LRRIQ3: variants seen among roughly 807,000 people sequenced by gnomAD.
The protein encoded by LRRIQ3 is leucine rich repeats and IQ motif containing 3, also known as leucine-rich repeat and IQ domain-containing protein 3.
In LRRIQ3, 75 loss-of-function variants were observed where a neutral mutation model predicts 59.3. That is an observed-to-expected ratio of 1.26 (90% CI 1.05 to 1.53). The LOEUF (loss-of-function observed/expected upper bound fraction) is 1.53, where lower values mean the gene tolerates loss of function less well. Among genes scored for constraint, LRRIQ3 ranks in the 40% most tolerant of loss-of-function variants. The probability of loss-of-function intolerance (pLI) is 0.00; values close to 1 mark genes in which losing one functional copy is unlikely to be tolerated. For synonymous variants in LRRIQ3, 250 were observed against 231.3 expected (o/e 1.08, Z -0.73); for missense variants, 831 against 710.0 (o/e 1.17, Z -1.94).
At chr1:74,054,268 A>G (rs1217129106) in intron 6 of LRRIQ3, among the ~76,000 whole-genome samples, 1 of 152,118 alleles carries the variant, frequency 6.6e-6, no homozygotes, top group Non-Finnish European at 1.5e-5. Flanking sequence ...GAAAGAAGCC[A>G]ATCTAAAAAG....
intron 4 of LRRIQ3, among the ~76,000 whole-genome samples, chr1:74,111,898 C>T (rs1218774145): frequency 1.3e-5 from 2 of 152,020 alleles, no homozygotes; most frequent in African/African-American, 2.4e-5. Flanking sequence ...TCTCACATCC[C>T]GATCCTACCT....
At chr1:74,193,851 T>C (rs1042453250) in intron 1 of LRRIQ3, among the ~76,000 whole-genome samples, 1 of 152,014 alleles carries the variant, frequency 6.6e-6, no homozygotes, top group Non-Finnish European at 1.5e-5. Context: ...GCATATAAAA[T>C]CAAATCATAA....
intron 4 of LRRIQ3, among the ~76,000 whole-genome samples, chr1:74,126,714 C>T (rs1436000242): frequency 1.3e-5 from 2 of 151,810 alleles, no homozygotes; most frequent in Non-Finnish European, 2.9e-5. Flanking sequence ...AGAGGAGACA[C>T]TTGATATAAT....
At chr1:74,070,215 A>T (rs1216619324) in intron 6 of LRRIQ3, among the ~76,000 whole-genome samples, 1 of 152,152 alleles carries the variant, frequency 6.6e-6, no homozygotes, top group African/African-American at 2.4e-5. Flanking sequence ...TAGCAAAGAC[A>T]TGTAATCAAC....
chr1:74,173,000 G>C (rs1219159229), intron 3 of LRRIQ3, among the ~76,000 whole-genome samples: 1 of 151,998 alleles, frequency 6.6e-6, no homozygotes, highest in Non-Finnish European at 1.5e-5. Context: ...TTGGGTCTCG[G>C]TTTTTTAAAA....
At chr1:74,087,089 T>A (rs905041023) in intron 5 of LRRIQ3, among the ~76,000 whole-genome samples, 9 of 152,116 alleles carry the variant, frequency 5.9e-5, no homozygotes, top group African/African-American at 2.2e-4. Flanking sequence ...AGTATTTTGA[T>A]AAATATTATG....
chr1:74,136,395 G>A (rs749438634), intron 4 of LRRIQ3, among the ~76,000 whole-genome samples: 4 of 151,864 alleles, frequency 2.6e-5, no homozygotes, highest in African/African-American at 7.2e-5. Flanking sequence ...ACAGTGTTCC[G>A]CCATCATTCC....
chr1:74,053,610 G>A (rs918995566), intron 6 of LRRIQ3, among the ~76,000 whole-genome samples: 1 of 152,026 alleles, frequency 6.6e-6, no homozygotes, highest in African/African-American at 2.4e-5. Flanking sequence ...GATTGCTTGA[G>A]CCAGAGTTTC....
chr1:74,109,391 T>TA lies in LRRIQ3; in HGVS notation c.867+2dup, dbSNP rs1557619523. The TA allele has an allele frequency of 1.3e-6, 2 of 1,487,678 alleles. No homozygotes were observed. The highest frequency in any genetic ancestry group is 1.8e-6 in the Non-Finnish European group (2 of 1,094,380). 92.2% of individuals were successfully genotyped at this position (1,487,678 alleles called of 1,614,324 possible). ...ATAAAAATAATAAACTAATTATACT[T>TA]ACATGTTTCCAATATGCAAGCTTTC... On this transcript the variant is annotated splice_region_variant and intron_variant, in intron 5 of 7. Coordinates refer to ENST00000354431, the MANE Select transcript of LRRIQ3 (RefSeq NM_001105659.2).
intron 3 of LRRIQ3, among the ~76,000 whole-genome samples, chr1:74,163,870 C>T (rs1382700605): frequency 2.0e-5 from 3 of 151,200 alleles, no homozygotes; most frequent in South Asian, 2.1e-4. Flanking sequence ...TTTTATTTTC[C>T]TACCAGTTTT....
chr1:74,108,847 T>C (rs1646648358), intron 5 of LRRIQ3: 1 of 364,534 alleles, frequency 2.7e-6, no homozygotes, highest in Non-Finnish European at 5.4e-6. Flanking sequence ...TCTATGTCTC[T>C]TAGTTTTCAT....
At chr1:74,095,735 G>C (rs1035516561) in intron 5 of LRRIQ3, among the ~76,000 whole-genome samples, 2 of 151,970 alleles carry the variant, frequency 1.3e-5, no homozygotes, top group Non-Finnish European at 2.9e-5. Flanking sequence ...AATAAAAAAT[G>C]TAAAAATACA....
At chr1:74,189,054 G>A (rs571265788) in intron 1 of LRRIQ3, among the ~76,000 whole-genome samples, 1 of 152,246 alleles carries the variant, frequency 6.6e-6, no homozygotes, top group East Asian at 1.9e-4. Context: ...CCAACTGACA[G>A]TGGCTGAAGC....
At chr1:74,181,611 G>A (rs536532381) in intron 3 of LRRIQ3, 1 of 151,630 alleles carries the variant, frequency 6.6e-6, no homozygotes, top group South Asian at 2.1e-4. Context: ...TTAGGGCCCA[G>A]GTTAAGATAT....
At chr1:74,147,825 G>A (rs900610370) in intron 4 of LRRIQ3, among the ~76,000 whole-genome samples, 4 of 152,100 alleles carry the variant, frequency 2.6e-5, no homozygotes, top group Non-Finnish European at 5.9e-5. Context: ...GGGTCTATAT[G>A]TTTTGCAAGA....
rs531756373 is a variant in LRRIQ3 at position 74,076,187 on chromosome 1, G to A, written c.868-1397C>T. 5.3e-5 allele frequency among the ~76,000 whole-genome samples: 8 copies of A among 152,132 alleles called. No homozygotes were observed. In the South Asian group the frequency reaches 6.2e-4, roughly 12 times the overall value. On this transcript the variant is annotated intron_variant, in intron 5 of 7. Transcript: ENST00000354431. ...TGTTTACATATTAAAAAACTTTCTC[G>A]GGATATGATACTTTCTTTGGTAAGA...
chr1:74,099,756 G>A (rs1646503787), intron 5 of LRRIQ3, among the ~76,000 whole-genome samples: 1 of 152,084 alleles, frequency 6.6e-6, no homozygotes, highest in Non-Finnish European at 1.5e-5. Flanking sequence ...AACAACATAT[G>A]CAAATCAATA....
intron 1 of LRRIQ3, among the ~76,000 whole-genome samples, chr1:74,194,067 A>C (rs1650939209): frequency 6.6e-6 from 1 of 152,134 alleles, no homozygotes; most frequent in African/African-American, 2.4e-5. Context: ...CGACTGTTTT[A>C]ATAAAGAATT....
intron 5 of LRRIQ3, among the ~76,000 whole-genome samples, chr1:74,079,542 T>C (rs2035473): frequency 0.31 from 46,285 of 151,698 alleles, 7,881 homozygotes; most frequent in Middle Eastern, 0.45. Flanking sequence ...CTACTTGTTT[T>C]ATTTATAACA....
Sources: gnomAD v4.1 joint callset for allele counts (sites outside exome capture counted in the v4.1 genomes callset) on GRCh38, gnomAD v4.1.1 for gene constraint, MANE v1.5 for transcripts, NCBI Gene and HGNC (gene_info 2026-07-23, HGNC 2026-07-21) for gene names.